Variants in DPH6 observed in about 807,000 individuals in gnomAD.
DPH6 encodes the protein diphthine--ammonia ligase.
Under a neutral mutation model 38.2 loss-of-function variants are expected in DPH6, and 33 were observed. The ratio of observed to expected loss-of-function variants is 0.86; its 90% CI spans 0.65 to 1.15. DPH6 has a LOEUF of 1.15. Ranked by LOEUF, DPH6 falls within the 50% of genes most tolerant of loss-of-function variation. DPH6 has a pLI of 0.00. For synonymous variants in DPH6, 108 were observed against 103.0 expected, an observed-to-expected ratio of 1.05 and a Z score of -0.30; for missense variants, 325 against 320.0, an observed-to-expected ratio of 1.02 and a Z score of -0.12.
chr15:35,420,004 T>C (rs1053058271), intron 5 of DPH6, among the ~76,000 whole-genome samples: 1 of 152,060 alleles, frequency 6.6e-6, no homozygotes, highest in Non-Finnish European at 1.5e-5. Flanking sequence ...CAAGTGCACA[T>C]GAAACATTCT....
intron 5 of DPH6, among the ~76,000 whole-genome samples, chr15:35,412,806 G>C (rs1442161258): frequency 2.6e-5 from 4 of 151,730 alleles, no homozygotes. Flanking sequence ...AAAGGCCAGT[G>C]ATTGCCAGGG....
At chr15:35,335,430 A>C (rs900687183) in intron 3 of DPH6, among the ~76,000 whole-genome samples, 1 of 151,312 alleles carries the variant, frequency 6.6e-6, no homozygotes, top group African/African-American at 2.4e-5. Flanking sequence ...CCCATTTGTC[A>C]ATTTTTGCTT....
chr15:35,521,747 G>A, intron 3 of DPH6: 2 of 1,232,372 alleles, frequency 1.6e-6, no homozygotes. Context: ...TTGATTGTGA[G>A]CAATAGCTGC....
chr15:35,504,262 C>T (rs2054665486), intron 3 of DPH6, among the ~76,000 whole-genome samples: 1 of 151,976 alleles, frequency 6.6e-6, no homozygotes, highest in Non-Finnish European at 1.5e-5. Flanking sequence ...CTCACTCCTA[C>T]CTCCTGCCAC....
intron 3 of DPH6, among the ~76,000 whole-genome samples, chr15:35,350,386 A>G (rs149137534): frequency 4.7e-4 from 71 of 151,494 alleles, no homozygotes; most frequent in African/African-American, 1.4e-3. Flanking sequence ...CAAAAAACCA[A>G]TTTAGTTTTG....
chr15:35,237,251 G>C (rs2140397431), intron 3 of DPH6: 2 of 1,350,484 alleles, frequency 1.5e-6, no homozygotes, highest in South Asian at 2.3e-5. Flanking sequence ...GTTGAGCCTT[G>C]AAAGTGCTAA....
chr15:35,339,009 A>G (rs1595487271), intron 3 of DPH6, among the ~76,000 whole-genome samples: 1 of 151,914 alleles, frequency 6.6e-6, no homozygotes, highest in Non-Finnish European at 1.5e-5. Flanking sequence ...AGGAAGGGGA[A>G]CATCACACAC....
chr15:35,254,510 C>CA (rs1317360351), intron 3 of DPH6, among the ~76,000 whole-genome samples: 1 of 151,818 alleles, frequency 6.6e-6, no homozygotes, highest in African/African-American at 2.4e-5. Flanking sequence ...TTTTAAAATA[C>CA]AAAAAAAAGT....
chr15:35,237,205 CGGGGGT>C, intron 3 of DPH6: 2 of 793,224 alleles, frequency 2.5e-6, no homozygotes, highest in Non-Finnish European at 4.3e-6. Context: ...TAGCGTGTGC[CGGGGGT>C]GCTGGGGGCT....
intron 6 of DPH6, among the ~76,000 whole-genome samples, chr15:35,398,846 AAGAC>A (rs1410420743): frequency 1.3e-5 from 2 of 152,176 alleles, no homozygotes; most frequent in Admixed American, 6.5e-5. Flanking sequence ...ATTGAATAGT[AAGAC>A]AGACAGTTGG....
At chr15:35,356,909 C>T (rs748094643) in intron 3 of DPH6, among the ~76,000 whole-genome samples, 2 of 152,196 alleles carry the variant, frequency 1.3e-5, no homozygotes, top group Non-Finnish European at 2.9e-5. Flanking sequence ...GGCAGGCCTC[C>T]TTGAGCTGCA....
chr15:35,454,576 G>A (rs2053973166), intron 4 of DPH6, among the ~76,000 whole-genome samples, 171 bp downstream of exon 4: 1 of 151,916 alleles, frequency 6.6e-6, no homozygotes, highest in Non-Finnish European at 1.5e-5. Context: ...TATAAGGATA[G>A]AAAAAAGGAA....
intron 3 of DPH6, among the ~76,000 whole-genome samples, chr15:35,361,528 C>G (rs1460408442): frequency 2.7e-5 from 4 of 148,788 alleles, no homozygotes; most frequent in African/African-American, 9.9e-5. Context: ...TTTTTTCCCT[C>G]TCTTATCCTT....
chr15:35,439,737 A>G (rs2053763124), intron 5 of DPH6, among the ~76,000 whole-genome samples: 1 of 152,046 alleles, frequency 6.6e-6, no homozygotes, highest in African/African-American at 2.4e-5. Context: ...CACCCAACTC[A>G]TAGTCATTAA....
intron 3 of DPH6, among the ~76,000 whole-genome samples, chr15:35,461,273 G>A (rs11856220): frequency 0.38 from 58,354 of 152,096 alleles, 14,187 homozygotes; most frequent in Non-Finnish European, 0.54. Flanking sequence ...TAGTAGAGAT[G>A]GGGTTTCACC....
intron 3 of DPH6, among the ~76,000 whole-genome samples, chr15:35,468,399 G>A (rs749994561): frequency 1.2e-4 from 18 of 152,264 alleles, no homozygotes; most frequent in African/African-American, 3.9e-4. Flanking sequence ...GTCACAGACC[G>A]TCCCAGCCTC....
chr15:35,310,171 G>A (rs575386345), intron 3 of DPH6, among the ~76,000 whole-genome samples: 1 of 152,148 alleles, frequency 6.6e-6, no homozygotes, highest in African/African-American at 2.4e-5. Flanking sequence ...CACGTAGAAC[G>A]AGAATGGATA....
chr15:35,347,832 T>G (rs903810679), intron 3 of DPH6, among the ~76,000 whole-genome samples: 5 of 152,100 alleles, frequency 3.3e-5, no homozygotes, highest in Admixed American at 2.0e-4. Context: ...TGTGTTTTTG[T>G]TGATTACCAT....
chr15:35,352,375 A>T lies in DPH6; in HGVS notation n.207+21146T>A, dbSNP rs7182389. On this transcript the variant is annotated intron_variant and non_coding_transcript_variant, in intron 3 of 3. Transcript: ENST00000558973. ...TACATGTGCCATGTTGGTGTGCTGC[A>T]CCCATTAACTCGACCTTTAACATTA... 5.5e-3 allele frequency among the ~76,000 whole-genome samples: 835 copies of T among 152,224 alleles called. 9 individuals carry two copies. The highest frequency in any genetic ancestry group is 0.018 in the African/African-American group (768 of 41,520).
Sources: gnomAD v4.1 joint callset for allele counts (sites outside exome capture counted in the v4.1 genomes callset) on GRCh38, gnomAD v4.1.1 for gene constraint, MANE v1.5 for transcripts, NCBI Gene and HGNC (gene_info 2026-07-23, HGNC 2026-07-21) for gene names.